Variants in TMPRSS11F observed in about 807,000 individuals in gnomAD.
TMPRSS11F encodes the protein transmembrane protease serine 11F.
Under a neutral mutation model 60.2 loss-of-function variants are expected in TMPRSS11F, and 47 were observed. The observed-to-expected ratio is 0.78, with a 90% CI of 0.62 to 1.00. The LOEUF (loss-of-function observed/expected upper bound fraction) is 1.00. Ranked by LOEUF, TMPRSS11F falls within the 50% of genes least tolerant of loss-of-function variation. The probability of loss-of-function intolerance (pLI) is 0.00; values close to 1 mark genes in which losing one functional copy is unlikely to be tolerated. For missense variants in TMPRSS11F, 519 were observed against 522.9 expected (o/e 0.99, Z 0.07); for synonymous variants, 166 against 167.3 (o/e 0.99, Z 0.06).
intron 1 of TMPRSS11F, among the ~76,000 whole-genome samples, chr4:68,129,088 A>G (rs1290934737): frequency 6.6e-6 from 1 of 152,200 alleles, no homozygotes; most frequent in African/African-American, 2.4e-5. Flanking sequence ...TTAAGAAACA[A>G]GGCTAGACTT....
chr4:68,062,798 C>G (rs1332817070), intron 8 of TMPRSS11F: 1 of 748,768 alleles, frequency 1.3e-6, no homozygotes, highest in Non-Finnish European at 2.5e-6. Flanking sequence ...GGATATCTTG[C>G]ATTTGGACAT....
At chr4:68,087,807 G>A (rs991919279) in intron 3 of TMPRSS11F, among the ~76,000 whole-genome samples, 1 of 151,230 alleles carries the variant, frequency 6.6e-6, no homozygotes, top group Admixed American at 6.6e-5. Flanking sequence ...CCATGCTGGT[G>A]TGCTGCACCC....
At chr4:68,105,268 C>T (rs1724283330) in intron 1 of TMPRSS11F, among the ~76,000 whole-genome samples, 1 of 151,780 alleles carries the variant, frequency 6.6e-6, no homozygotes, top group African/African-American at 2.4e-5. Context: ...GTTTGTTTTG[C>T]TGTATTTTCT....
intron 3 of TMPRSS11F, among the ~76,000 whole-genome samples, chr4:68,082,590 G>A (rs1723720810): frequency 6.6e-6 from 1 of 152,226 alleles, no homozygotes; most frequent in African/African-American, 2.4e-5. Flanking sequence ...TGCCCAGTAT[G>A]AGTGCTTTAC....
Position 68,098,944 on chromosome 4 carries a change from C to T in TMPRSS11F, c.106G>A (p.Ala36Thr). Residue 36 changes from alanine (A) to threonine (T), a missense_variant, in exon 2 of 10, where the codon GCA (alanine) becomes ACA (threonine). Coordinates refer to ENST00000356291, the MANE Select transcript of TMPRSS11F (RefSeq NM_207407.2). ...GCAATTCCTATGATTGCTACAATTG[C>T]TAATGTGAAAAGAGCTAGCCGTACT... ...DSVRLALFTLAIVAIIGIAIG... is the reference protein window; with the variant it reads ...DSVRLALFTLTIVAIIGIAIG... 1 of 1,612,826 alleles carries T rather than the reference C, an allele frequency of 6.2e-7. No homozygotes were observed. The highest frequency in any genetic ancestry group is 1.7e-5 in the Admixed American group (1 of 59,834).
chr4:68,117,467 C>CAAAAAAA (rs55708045), intron 1 of TMPRSS11F, among the ~76,000 whole-genome samples: 1 of 51,398 alleles, frequency 1.9e-5, no homozygotes, highest in Admixed American at 3.1e-4. Context: ...GACTCTGTCT[C>CAAAAAAA]AAAAAAAAAA....
intron 2 of TMPRSS11F, among the ~76,000 whole-genome samples, chr4:68,091,747 A>ATCTCTCTCTC (rs372346277): frequency 0.015 from 1,082 of 71,426 alleles, 22 homozygotes; most frequent in African/African-American, 0.043. Context: ...TTAATCTCTA[A>ATCTCTCTCTC]TCTCTCTCTC....
At chr4:68,125,863 T>A (rs1291723125) in intron 1 of TMPRSS11F, among the ~76,000 whole-genome samples, 1 of 152,200 alleles carries the variant, frequency 6.6e-6, no homozygotes, top group African/African-American at 2.4e-5. Context: ...TGGGAAGCTA[T>A]GCCAGTATTT....
At chr4:68,068,587 A>C (rs542729515) in intron 7 of TMPRSS11F, 31 bp downstream of exon 7, 2 of 1,595,850 alleles carry the variant, frequency 1.3e-6, no homozygotes, top group East Asian at 2.2e-5. Context: ...GACTGTGAAA[A>C]GAAGGCTCAC....
At chr4:68,107,479 T>C (rs1724325146) in intron 1 of TMPRSS11F, among the ~76,000 whole-genome samples, 1 of 152,252 alleles carries the variant, frequency 6.6e-6, no homozygotes, top group South Asian at 2.1e-4. Flanking sequence ...GATGGAGCCA[T>C]GTAACTATCT....
chr4:68,114,545 C>T (rs1023906946), intron 1 of TMPRSS11F, among the ~76,000 whole-genome samples: 4 of 151,776 alleles, frequency 2.6e-5, no homozygotes, highest in African/African-American at 9.7e-5. Flanking sequence ...TAGTACATAC[C>T]TAAAAATAAT....
intron 3 of TMPRSS11F, among the ~76,000 whole-genome samples, chr4:68,083,942 C>T (rs578001376): frequency 6.6e-6 from 1 of 152,024 alleles, no homozygotes; most frequent in East Asian, 1.9e-4. Flanking sequence ...GTAATATGAT[C>T]CAAGAGGTGA....
intron 1 of TMPRSS11F, among the ~76,000 whole-genome samples, chr4:68,129,262 A>G (rs938126301): frequency 6.6e-6 from 1 of 152,154 alleles, no homozygotes; most frequent in Non-Finnish European, 1.5e-5. Flanking sequence ...TGATGATACA[A>G]AGTCTAGATT....
At chr4:68,125,949 T>C (rs1205978991) in intron 1 of TMPRSS11F, among the ~76,000 whole-genome samples, 1 of 152,170 alleles carries the variant, frequency 6.6e-6, no homozygotes, top group Non-Finnish European at 1.5e-5. Context: ...AGTAAAATGT[T>C]ATCATATAAA....
intron 1 of TMPRSS11F, among the ~76,000 whole-genome samples, chr4:68,127,315 T>C (rs1358870871): frequency 1.3e-5 from 2 of 152,092 alleles, no homozygotes; most frequent in African/African-American, 2.4e-5. Context: ...TTTTATGAAA[T>C]TGAATGTGCA....
At position 68,072,221 on chromosome 4, in the gene TMPRSS11F, CA is replaced by C. The variant is rs61257089; in HGVS notation, c.514+101del. On this transcript the variant is annotated intron_variant, in intron 5 of 9. Coordinates refer to ENST00000356291, the MANE Select transcript of TMPRSS11F (RefSeq NM_207407.2). ...ATTTTATATATATATATATATCTTC[CA>C]AAAAAAAAATATATATATATATATA... 29 of 57,826 alleles carry C rather than the reference CA, an allele frequency of 5.0e-4. 1 individual carries two copies. Among genetic ancestry groups the C allele is most frequent in the African/African-American group, 1.3e-3 (23 of 17,286 alleles). 3.6% of individuals were successfully genotyped at this position (57,826 alleles called of 1,614,324 possible).
rs568479688 is a variant in TMPRSS11F at position 68,108,255 on chromosome 4, G to C, written c.12-9217C>G. On this transcript the variant is annotated intron_variant, in intron 1 of 9. Coordinates refer to ENST00000356291, the MANE Select transcript of TMPRSS11F (RefSeq NM_207407.2). ...GAGAAGAGTTAAGGAGGATGCCAAG[G>C]TCTTTAGTTTGTGCAGAGAAAAATG... Among the ~76,000 whole-genome samples the C allele has an allele frequency of 4.6e-5, 7 of 152,308 alleles. No homozygotes were observed. The East Asian group carries it at 1.3e-3, about 29-fold the overall frequency.
intron 1 of TMPRSS11F, among the ~76,000 whole-genome samples, chr4:68,101,151 T>A (rs553343011): frequency 4.9e-4 from 74 of 151,926 alleles, no homozygotes; most frequent in African/African-American, 1.7e-3. Context: ...AAAATCATAG[T>A]CACATTTGAT....
chr4:68,106,883 T>G (rs532615689), intron 1 of TMPRSS11F, among the ~76,000 whole-genome samples: 1 of 152,306 alleles, frequency 6.6e-6, no homozygotes, highest in South Asian at 2.1e-4. Context: ...TTGAAAACAT[T>G]TTTTAGACCT....
Sources: allele counts gnomAD v4.1 joint callset (sites outside exome capture counted in the v4.1 genomes callset), GRCh38; gene constraint gnomAD v4.1.1; transcripts MANE v1.5; gene names NCBI Gene and HGNC (gene_info 2026-07-23, HGNC 2026-07-21).